Variants in ASTN2 observed in about 807,000 individuals in gnomAD.
ASTN2 encodes astrotactin-2.
Under a neutral mutation model 139.8 loss-of-function variants are expected in ASTN2, and 54 were observed. That is an observed-to-expected ratio of 0.39 (90% CI 0.31 to 0.48). ASTN2 has a LOEUF of 0.48. Among genes scored for constraint, ASTN2 ranks in the 20% least tolerant of loss-of-function variants. ASTN2 has a pLI of 0.95. For synonymous variants in ASTN2, 756 were observed against 719.5 expected, an observed-to-expected ratio of 1.05 and a Z score of -0.81; for missense variants, 1,565 against 1,725.1, an observed-to-expected ratio of 0.91 and a Z score of 1.64.
chr9:117,357,195 A>G (rs1807753892), intron 1 of ASTN2, among the ~76,000 whole-genome samples: 1 of 152,372 alleles, frequency 6.6e-6, no homozygotes, highest in East Asian at 1.9e-4. Context: ...TTAAAACTAC[A>G]TGCAAATTTA....
chr9:116,929,271 C>A (rs531112000), intron 10 of ASTN2, among the ~76,000 whole-genome samples: 1 of 152,108 alleles, frequency 6.6e-6, no homozygotes. Context: ...AGATGCAGGA[C>A]GAAAAGAAGA....
At chr9:116,512,743 T>C (rs1056325958) in intron 19 of ASTN2, among the ~76,000 whole-genome samples, 1 of 152,220 alleles carries the variant, frequency 6.6e-6, no homozygotes, top group African/African-American at 2.4e-5. Flanking sequence ...ATTGATCCCT[T>C]TGCCATTATG....
At chr9:116,443,675 T>C (rs1406500626) in intron 20 of ASTN2, among the ~76,000 whole-genome samples, 1 of 152,054 alleles carries the variant, frequency 6.6e-6, no homozygotes, top group Non-Finnish European at 1.5e-5. Flanking sequence ...GAAATGACTT[T>C]CTAGATGATG....
intron 1 of ASTN2, among the ~76,000 whole-genome samples, chr9:117,315,728 A>G (rs532925845): frequency 6.6e-6 from 1 of 152,304 alleles, no homozygotes; most frequent in Admixed American, 6.5e-5. Context: ...CCCATCATAG[A>G]ATGGGTCAGC....
At chr9:116,760,919 G>T (rs556210258) in intron 13 of ASTN2, among the ~76,000 whole-genome samples, 19 of 152,346 alleles carry the variant, frequency 1.2e-4, no homozygotes, top group African/African-American at 3.8e-4. Context: ...AGGGTTGGGG[G>T]AGGAGGGGAG....
chr9:117,384,474 C>T (rs1830347998), intron 1 of ASTN2, among the ~76,000 whole-genome samples: 1 of 152,150 alleles, frequency 6.6e-6, no homozygotes, highest in African/African-American at 2.4e-5. Flanking sequence ...GATACGAGTC[C>T]CTTCCCACCT....
At chr9:116,883,543 G>C (rs1001641228) in intron 10 of ASTN2, among the ~76,000 whole-genome samples, 1 of 152,148 alleles carries the variant, frequency 6.6e-6, no homozygotes, top group Non-Finnish European at 1.5e-5. Context: ...TTGAGTTAAG[G>C]TGTCTTGTTT....
At chr9:117,039,458 T>G (rs10983467) in intron 6 of ASTN2, among the ~76,000 whole-genome samples, 81,382 of 151,898 alleles carry the variant, frequency 0.54, 23,533 homozygotes, top group East Asian at 0.83. Flanking sequence ...ATGGAGAGCA[T>G]TAGCACAAAT....
chr9:117,350,310 A>G (rs1278473433), intron 1 of ASTN2, among the ~76,000 whole-genome samples: 1 of 152,194 alleles, frequency 6.6e-6, no homozygotes, highest in Non-Finnish European at 1.5e-5. Context: ...GCACTTTGGG[A>G]GGCCGAGGTG....
intron 1 of ASTN2, among the ~76,000 whole-genome samples, chr9:117,330,178 G>A (rs988355102): frequency 5.9e-5 from 9 of 152,090 alleles, no homozygotes; most frequent in African/African-American, 1.2e-4. Flanking sequence ...AAGTCAACCT[G>A]GATGCTCCCA....
At chr9:116,768,157 T>C (rs776224750) in intron 13 of ASTN2, among the ~76,000 whole-genome samples, 4 of 152,244 alleles carry the variant, frequency 2.6e-5, no homozygotes, top group African/African-American at 4.8e-5. Context: ...CACTTTCTTG[T>C]TAAATTCTTC....
chr9:116,992,656 T>G (rs539966962), intron 7 of ASTN2, among the ~76,000 whole-genome samples: 1 of 152,144 alleles, frequency 6.6e-6, no homozygotes, highest in African/African-American at 2.4e-5. Context: ...TGAGTTGGTG[T>G]TGTCATCTCC....
At chr9:116,625,868 T>A in intron 17 of ASTN2, among the ~76,000 whole-genome samples, 1 of 152,166 alleles carries the variant, frequency 6.6e-6, no homozygotes, top group Non-Finnish European at 1.5e-5. Context: ...AGAGATTTTG[T>A]CCCTCTCTCC....
chr9:116,940,549 A>G (rs551863383), intron 10 of ASTN2, among the ~76,000 whole-genome samples: 5 of 152,338 alleles, frequency 3.3e-5, no homozygotes, highest in African/African-American at 1.2e-4. Flanking sequence ...AAGAGTGAAA[A>G]AAACTATTTA....
At chr9:116,646,122 G>A (rs980079338) in intron 17 of ASTN2, among the ~76,000 whole-genome samples, 1 of 152,072 alleles carries the variant, frequency 6.6e-6, no homozygotes, top group Non-Finnish European at 1.5e-5. Flanking sequence ...TAGTGAATGG[G>A]GATTGAGGAA....
intron 4 of ASTN2, among the ~76,000 whole-genome samples, chr9:117,129,262 C>A (rs188735243): frequency 6.6e-6 from 1 of 152,276 alleles, no homozygotes; most frequent in African/African-American, 2.4e-5. Context: ...CTCTGCCATA[C>A]CCACTTCCTC....
At chr9:116,470,419 T>A (rs1322740586) in intron 20 of ASTN2, among the ~76,000 whole-genome samples, 1 of 152,150 alleles carries the variant, frequency 6.6e-6, no homozygotes, top group East Asian at 1.9e-4. Flanking sequence ...AGAGACAAAC[T>A]GTCTGAGTTC....
chr9:117,162,558 C>T (rs916608434), intron 3 of ASTN2, among the ~76,000 whole-genome samples: 2 of 152,066 alleles, frequency 1.3e-5, no homozygotes, highest in Non-Finnish European at 2.9e-5. Context: ...CTAAGCCAGA[C>T]TGTATGAGCT....
At chr9:116,518,782 C>T (rs1368000892) in intron 19 of ASTN2, among the ~76,000 whole-genome samples, 1 of 151,978 alleles carries the variant, frequency 6.6e-6, no homozygotes, top group Non-Finnish European at 1.5e-5. Flanking sequence ...TCTCACCTAA[C>T]ACATAAATGT....
Sources: allele counts gnomAD v4.1 joint callset (sites outside exome capture counted in the v4.1 genomes callset), GRCh38; gene constraint gnomAD v4.1.1; transcripts MANE v1.5; gene names NCBI Gene and HGNC (gene_info 2026-07-23, HGNC 2026-07-21).